UBE2W: variants seen among roughly 807,000 people sequenced by gnomAD.
The protein encoded by UBE2W is ubiquitin-conjugating enzyme E2 W.
UBE2W carries 18 observed loss-of-function variants against 27.2 expected under a neutral mutation model. The ratio of observed to expected loss-of-function variants is 0.66; its 90% confidence interval spans 0.46 to 0.98. The LOEUF (loss-of-function observed/expected upper bound fraction) is 0.98, where lower values mean the gene tolerates loss of function less well. Among genes scored for constraint, UBE2W ranks in the 50% least tolerant of loss-of-function variants. The pLI, the probability that UBE2W is intolerant of heterozygous loss-of-function variation, is 0.00. For missense variants in UBE2W, 90 were observed against 180.2 expected, an observed-to-expected ratio of 0.50 and a Z score of 2.87; for synonymous variants, 53 against 57.2, an observed-to-expected ratio of 0.93 and a Z score of 0.33.
chr8:73,860,919 G>A (rs1586537724), intron 1 of UBE2W, among the ~76,000 whole-genome samples: 2 of 152,260 alleles, frequency 1.3e-5, no homozygotes, highest in African/African-American at 2.4e-5. Flanking sequence ...AGGATCGCTT[G>A]AGGCAGAGTT....
chr8:73,839,956 G>T (rs888430538), intron 1 of UBE2W, among the ~76,000 whole-genome samples: 2 of 151,740 alleles, frequency 1.3e-5, no homozygotes, highest in African/African-American at 4.8e-5. Context: ...AGCTGGTCTC[G>T]AACTCCTGGC....
chr8:73,844,150 G>T (rs1810661611), intron 1 of UBE2W, among the ~76,000 whole-genome samples: 1 of 114,092 alleles, frequency 8.8e-6, no homozygotes, highest in Admixed American at 1.1e-4. Context: ...ATTAAAAAGA[G>T]CTAATTCCCC....
intron 5 of UBE2W, among the ~76,000 whole-genome samples, chr8:73,799,037 A>G (rs114528957): frequency 0.024 from 3,670 of 152,216 alleles, 154 homozygotes; most frequent in African/African-American, 0.084. Flanking sequence ...TGCATTTCAA[A>G]GCAGGTATGA....
intron 4 of UBE2W, 136 bp downstream of exon 4, chr8:73,810,338 A>C: frequency 2.2e-6 from 2 of 909,150 alleles, no homozygotes; most frequent in African/African-American, 1.7e-5. Context: ...ATTTATTACT[A>C]AACATGAAAT....
chr8:73,819,814 C>T (rs1021064373), intron 3 of UBE2W, among the ~76,000 whole-genome samples: 1 of 152,096 alleles, frequency 6.6e-6, no homozygotes, highest in Non-Finnish European at 1.5e-5. Context: ...AAGAAAAACA[C>T]AACAAACCAT....
rs542007770 is a variant in UBE2W at position 73,873,583 on chromosome 8, G to C, written c.15+5225C>G. Among the ~76,000 whole-genome samples the C allele has an allele frequency of 4.4e-4, 67 of 152,308 alleles. 1 individual carries two copies. In the South Asian group the frequency reaches 7.9e-3, roughly 18 times the overall value. On this transcript the variant is annotated intron_variant, in intron 1 of 5. Transcript: ENST00000602593. ...AAGTGGGAGGATCACCCGAGCCTGGGAGGACAAGGGTGCAGTGAGCCAAGA... is the reference window on the plus strand; with the variant it reads ...AAGTGGGAGGATCACCCGAGCCTGGCAGGACAAGGGTGCAGTGAGCCAAGA...
intron 4 of UBE2W, among the ~76,000 whole-genome samples, chr8:73,809,742 G>A (rs932355454): frequency 2.6e-5 from 4 of 151,962 alleles, no homozygotes; most frequent in Admixed American, 2.0e-4. Flanking sequence ...ATCACACCCA[G>A]TTAATTTTTG....
intron 1 of UBE2W, among the ~76,000 whole-genome samples, chr8:73,863,501 C>T (rs550602648): frequency 8.9e-4 from 133 of 148,964 alleles, no homozygotes; most frequent in Non-Finnish European, 1.5e-3. Flanking sequence ...GTGGGTGCAG[C>T]GCACCAGCAT....
intron 5 of UBE2W, among the ~76,000 whole-genome samples, chr8:73,799,813 C>T (rs114724024): frequency 6.6e-6 from 1 of 152,108 alleles, no homozygotes; most frequent in Admixed American, 6.5e-5. Context: ...TTCTGCCTAG[C>T]CTTGAAAGTC....
At chr8:73,813,176 G>T (rs1016958358) in intron 3 of UBE2W, among the ~76,000 whole-genome samples, 1 of 139,070 alleles carries the variant, frequency 7.2e-6, no homozygotes, top group Non-Finnish European at 1.5e-5. Flanking sequence ...ATAGCAACAC[G>T]AAGGTTACTA....
chr8:73,841,807 T>C (rs1471920242), intron 1 of UBE2W, among the ~76,000 whole-genome samples: 1 of 152,116 alleles, frequency 6.6e-6, no homozygotes, highest in South Asian at 2.1e-4. Context: ...AAAACCAAAG[T>C]GAAGATGCTA....
At chr8:73,847,320 G>A (rs925880972) in intron 1 of UBE2W, among the ~76,000 whole-genome samples, 1 of 152,322 alleles carries the variant, frequency 6.6e-6, no homozygotes, top group East Asian at 1.9e-4. Flanking sequence ...ATAAGTAATG[G>A]TTAACACTCA....
chr8:73,809,781 T>G (rs1401768496), intron 4 of UBE2W, among the ~76,000 whole-genome samples: 3 of 152,148 alleles, frequency 2.0e-5, no homozygotes, highest in Non-Finnish European at 4.4e-5. Context: ...GGTTTCACCA[T>G]GTTGGCCAGC....
intron 1 of UBE2W, among the ~76,000 whole-genome samples, chr8:73,851,814 C>A: frequency 9.4e-6 from 1 of 106,222 alleles, no homozygotes; most frequent in South Asian, 2.5e-4. Flanking sequence ...ATGAGGCTGA[C>A]CCCAGAGTAT....
intron 1 of UBE2W, among the ~76,000 whole-genome samples, chr8:73,859,940 TTAAAAA>T (rs1228988288): frequency 6.6e-6 from 1 of 152,056 alleles, no homozygotes; most frequent in Non-Finnish European, 1.5e-5. Context: ...CAGACACACC[TTAAAAA>T]TAAAACATTT....
chr8:73,843,450 C>T (rs758594891), intron 1 of UBE2W, among the ~76,000 whole-genome samples: 18 of 152,052 alleles, frequency 1.2e-4, no homozygotes, highest in Non-Finnish European at 2.5e-4. Context: ...CTGGGCCACA[C>T]AGCGAGACCA....
At position 73,789,263 on chromosome 8, in the gene UBE2W, G is replaced by C. The variant is rs2130833891; in HGVS notation, c.*4839C>G. 2.8e-6 allele frequency: 2 copies of C among 726,828 alleles called. No individual in the cohort carries two copies. Among genetic ancestry groups the C allele is most frequent in the South Asian group, 1.3e-4 (2 of 15,398 alleles). The allele number at this position is 726,828 out of a possible 1,614,324, so 45.0% of individuals were successfully genotyped here. ...AGGCAGGAGGAATGCTTGAGCCCAG[G>C]AATTCAAGATCAGCCTGGGCAACAT... On this transcript the variant is annotated 3_prime_UTR_variant, in exon 6 of 6. Coordinates refer to ENST00000602593, the MANE Select transcript of UBE2W (RefSeq NM_018299.6).
chr8:73,849,279 A>G lies in UBE2W; in HGVS notation c.16-18807T>C, dbSNP rs777684825. Among the ~76,000 whole-genome samples, 25 of 152,152 alleles carry G rather than the reference A, an allele frequency of 1.6e-4. 1 individual carries two copies. The highest frequency in any genetic ancestry group is 6.6e-4 in the Admixed American group (10 of 15,262). ...GTAATCCCAGCACTGTGGGAGGCCA[A>G]CGCAGGTGGATCACCTGAGGTCAGG... On this transcript the variant is annotated intron_variant, in intron 1 of 5. Coordinates refer to ENST00000602593, the MANE Select transcript of UBE2W (RefSeq NM_018299.6).
chr8:73,789,249 A>G lies in UBE2W; in HGVS notation c.*4853T>C, dbSNP rs1808088648. The stretch of plus-strand genomic sequence containing the variant: ...ATTTTGGGAGGCTGAGGCAGGAGGA[A>G]TGCTTGAGCCCAGGAATTCAAGATC... On this transcript the variant is annotated 3_prime_UTR_variant, in exon 6 of 6. Coordinates refer to ENST00000602593, the MANE Select transcript of UBE2W (RefSeq NM_018299.6). 1 of 890,220 alleles carries G rather than the reference A, an allele frequency of 1.1e-6. No individual in the cohort carries two copies. 55.1% of individuals were successfully genotyped at this position (890,220 alleles called of 1,614,324 possible). A position where few individuals can be genotyped will look rare whatever the true frequency, so the allele number is the denominator to read the frequency against.
Sources: gnomAD v4.1 joint callset for allele counts (sites outside exome capture counted in the v4.1 genomes callset) on GRCh38, gnomAD v4.1.1 for gene constraint, MANE v1.5 for transcripts, NCBI Gene and HGNC (gene_info 2026-07-23, HGNC 2026-07-21) for gene names.